The following SCAMP1 variants were observed in gnomAD, a reference collection of about 807,000 sequenced individuals.
SCAMP1 encodes secretory carrier-associated membrane protein 1.
SCAMP1 carries 15 observed loss-of-function variants against 41.8 expected under a neutral mutation model. The observed-to-expected ratio is 0.36, with a 90% CI of 0.24 to 0.55. The LOEUF is 0.55. Ranked by LOEUF, SCAMP1 falls within the 20% of genes least tolerant of loss-of-function variation. The pLI, the probability that SCAMP1 is intolerant of heterozygous loss-of-function variation, is 0.86. For synonymous variants in SCAMP1, 135 were observed against 136.8 expected (o/e 0.99, Z 0.09); for missense variants, 341 against 412.6 (o/e 0.83, Z 1.50).
chr5:78,467,872 C>T (rs1025350630), intron 8 of SCAMP1, among the ~76,000 whole-genome samples: 2 of 152,156 alleles, frequency 1.3e-5, no homozygotes, highest in Non-Finnish European at 2.9e-5. Flanking sequence ...CTGTTTCACA[C>T]TTGGTCAAAA....
intron 1 of SCAMP1, among the ~76,000 whole-genome samples, chr5:78,374,950 T>C (rs1436278968): frequency 6.6e-6 from 1 of 152,120 alleles, no homozygotes; most frequent in African/African-American, 2.4e-5. Context: ...TAGAGTCTTG[T>C]TGAGAGATTT....
chr5:78,457,182 A>C (rs375655002), intron 7 of SCAMP1, among the ~76,000 whole-genome samples: 1 of 151,558 alleles, frequency 6.6e-6, no homozygotes, highest in Non-Finnish European at 1.5e-5. Context: ...TCTTCTCTCA[A>C]CTCGTCAAAG....
At chr5:78,462,109 T>C (rs771906045) in intron 8 of SCAMP1, among the ~76,000 whole-genome samples, 1 of 152,160 alleles carries the variant, frequency 6.6e-6, no homozygotes, top group Non-Finnish European at 1.5e-5. Flanking sequence ...CTTTGTGTCA[T>C]GTGTGATTTC....
At position 78,415,628 on chromosome 5, in the gene SCAMP1, T is replaced by G. The variant is rs757764766; in HGVS notation, c.234+10T>G. 2 of 1,521,190 alleles carry G rather than the reference T, an allele frequency of 1.3e-6. No individual in the cohort carries two copies. Among genetic ancestry groups the G allele is most frequent in the Non-Finnish European group, 1.8e-6 (2 of 1,108,102 alleles). The allele number at this position is 1,521,190 out of a possible 1,614,324, so 94.2% of individuals were successfully genotyped here. On this transcript the variant is annotated intron_variant, in intron 3 of 8. Transcript: ENST00000621999. ...TACACAGATTGCAAAGGTTAGTTCATGTTAGTTGTATAAATTCATATTGGC... is the reference window on the plus strand; with the variant it reads ...TACACAGATTGCAAAGGTTAGTTCAGGTTAGTTGTATAAATTCATATTGGC...
chr5:78,389,987 G>C (rs1023134483), intron 2 of SCAMP1, among the ~76,000 whole-genome samples: 1 of 152,186 alleles, frequency 6.6e-6, no homozygotes, highest in Non-Finnish European at 1.5e-5. Flanking sequence ...AATCCAAGGA[G>C]AGGGTCATGG....
chr5:78,423,273 G>A (rs1289291319), intron 6 of SCAMP1, among the ~76,000 whole-genome samples: 1 of 152,180 alleles, frequency 6.6e-6, no homozygotes, highest in Non-Finnish European at 1.5e-5. Flanking sequence ...ATTGAAATAT[G>A]GGAGATTGGT....
chr5:78,459,394 G>C, intron 8 of SCAMP1, 32 bp downstream of exon 8: 1 of 1,054,544 alleles, frequency 9.5e-7, no homozygotes, highest in Admixed American at 2.0e-5. Context: ...AATTTTTATA[G>C]TGAACGTGAT....
At chr5:78,471,046 T>C (rs1753872482) in intron 8 of SCAMP1, among the ~76,000 whole-genome samples, 1 of 152,204 alleles carries the variant, frequency 6.6e-6, no homozygotes, top group Admixed American at 6.5e-5. Flanking sequence ...CAGTGGCTTC[T>C]ACTGCAGATT....
At chr5:78,398,355 C>CTTTTTTTTTTTTT (rs1197381285) in intron 2 of SCAMP1, among the ~76,000 whole-genome samples, 1 of 57,480 alleles carries the variant, frequency 1.7e-5, no homozygotes, top group African/African-American at 7.5e-5. Flanking sequence ...GGGTTCACCT[C>CTTTTTTTTTTTTT]TTTTTTTTTT....
intron 2 of SCAMP1, among the ~76,000 whole-genome samples, chr5:78,396,657 C>T (rs961586555): frequency 1.3e-5 from 2 of 151,984 alleles, no homozygotes; most frequent in African/African-American, 4.8e-5. Context: ...ATTGAGTGAA[C>T]ATGTATTGCA....
At chr5:78,431,550 T>TG (rs1752623762) in intron 6 of SCAMP1, among the ~76,000 whole-genome samples, 1 of 149,632 alleles carries the variant, frequency 6.7e-6, no homozygotes, top group South Asian at 2.1e-4. Context: ...TTTTTTTTTT[T>TG]GGATCAGTTG....
intron 7 of SCAMP1, among the ~76,000 whole-genome samples, chr5:78,456,325 G>A (rs1753399311): frequency 6.6e-6 from 1 of 151,814 alleles, no homozygotes; most frequent in Non-Finnish European, 1.5e-5. Flanking sequence ...GCTGGTACCG[G>A]TTGTTCTTTT....
Position 78,368,096 on chromosome 5 carries a change from C to CT in SCAMP1, c.57+7370dup, listed in dbSNP as rs1348599160. 5.3e-5 allele frequency among the ~76,000 whole-genome samples: 8 copies of CT among 152,224 alleles called. No homozygotes were observed. The South Asian group carries it at 6.2e-4, about 12-fold the overall frequency. On this transcript the variant is annotated intron_variant, in intron 1 of 8. Coordinates refer to ENST00000621999, the MANE Select transcript of SCAMP1 (RefSeq NM_004866.6). Reference sequence around the variant, plus strand: ...CTTTAGTCCAGGCTGTCACAACTCTCTTAACAGTTTCTTTTTAATCTTACC... The same window carrying CT: ...CTTTAGTCCAGGCTGTCACAACTCTCTTTAACAGTTTCTTTTTAATCTTACC...
intron 7 of SCAMP1, among the ~76,000 whole-genome samples, chr5:78,453,666 CG>C (rs1561283244): frequency 3.3e-5 from 5 of 152,104 alleles, no homozygotes; most frequent in African/African-American, 1.2e-4. Context: ...CTTGGCGATG[CG>C]GGCTCTTTTT....
intron 1 of SCAMP1, among the ~76,000 whole-genome samples, chr5:78,381,200 G>A (rs1005502818): frequency 6.6e-6 from 1 of 152,234 alleles, no homozygotes; most frequent in Admixed American, 6.5e-5. Context: ...GGAACATTGA[G>A]CGTGGAGTGG....
At chr5:78,456,285 GTCTTTACAT>G (rs1473643573) in intron 7 of SCAMP1, among the ~76,000 whole-genome samples, 1 of 150,498 alleles carries the variant, frequency 6.6e-6, no homozygotes, top group Non-Finnish European at 1.5e-5. Context: ...AGTCTCGATG[GTCTTTACAT>G]TTTGGCATGA....
chr5:78,410,952 G>A (rs1752060584), intron 2 of SCAMP1, among the ~76,000 whole-genome samples: 1 of 152,086 alleles, frequency 6.6e-6, no homozygotes, highest in Admixed American at 6.5e-5. Flanking sequence ...CTTTTGACAA[G>A]TGTCTGTTCA....
At chr5:78,441,003 C>T (rs919060759) in intron 6 of SCAMP1, among the ~76,000 whole-genome samples, 14 of 152,196 alleles carry the variant, frequency 9.2e-5, no homozygotes, top group Admixed American at 2.0e-4. Context: ...TGGGACCCTC[C>T]GAGCCAGGCA....
At position 78,439,634 on chromosome 5, in the gene SCAMP1, G is replaced by A. The variant is rs928797702; in HGVS notation, c.633-10299G>A. Among the ~76,000 whole-genome samples, 30 of 152,232 alleles carry A rather than the reference G, an allele frequency of 2.0e-4. No homozygotes were observed. In the South Asian group the frequency reaches 2.1e-3, roughly 11 times the overall value. On this transcript the variant is annotated intron_variant, in intron 6 of 8. Transcript: ENST00000621999. ...TGTGAGTAACCTGACCTTTCTCTCTGGCTGCCCTTTACATTTTTTCCTTCA... is the reference window on the plus strand; with the variant it reads ...TGTGAGTAACCTGACCTTTCTCTCTAGCTGCCCTTTACATTTTTTCCTTCA...
Sources: gnomAD v4.1 joint callset for allele counts (sites outside exome capture counted in the v4.1 genomes callset) on GRCh38, gnomAD v4.1.1 for gene constraint, MANE v1.5 for transcripts, NCBI Gene and HGNC (gene_info 2026-07-23, HGNC 2026-07-21) for gene names.